Variants in CGRRF1 observed in about 807,000 individuals in gnomAD.
The protein encoded by CGRRF1 is cell growth regulator with ring finger domain 1, also known as cell growth regulator with RING finger domain protein 1.
CGRRF1 carries 32 observed loss-of-function variants against 37.2 expected under a neutral mutation model. The observed-to-expected ratio is 0.86, with a 90% CI of 0.65 to 1.16. The LOEUF is 1.16. Ranked by LOEUF, CGRRF1 falls within the 50% of genes most tolerant of loss-of-function variation. The probability of loss-of-function intolerance (pLI) is 0.00; values close to 1 mark genes in which losing one functional copy is unlikely to be tolerated. For missense variants in CGRRF1, 391 were observed against 382.6 expected (o/e 1.02, Z -0.18); for synonymous variants, 141 against 140.3 (o/e 1.00, Z -0.04).
At chr14:54,527,381 C>T (rs997942122) in intron 2 of CGRRF1, among the ~76,000 whole-genome samples, 4 of 152,130 alleles carry the variant, frequency 2.6e-5, no homozygotes, top group Non-Finnish European at 4.4e-5. Flanking sequence ...TTAATGGGTG[C>T]AGGACACCAA....
At chr14:54,519,104 A>G (rs2032269581) in intron 1 of CGRRF1, among the ~76,000 whole-genome samples, 1 of 151,998 alleles carries the variant, frequency 6.6e-6, no homozygotes, top group Non-Finnish European at 1.5e-5. Context: ...CACCATGCCC[A>G]GCTAATTTTT....
intron 1 of CGRRF1, among the ~76,000 whole-genome samples, chr14:54,519,657 G>T (rs1214598272): frequency 6.6e-6 from 1 of 152,184 alleles, no homozygotes. Flanking sequence ...GGAGAAGACA[G>T]CCTATGCTGG....
At chr14:54,510,223 C>G in intron 1 of CGRRF1, 160 bp downstream of exon 1, 1 of 612,908 alleles carries the variant, frequency 1.6e-6, no homozygotes, top group Non-Finnish European at 2.9e-6. Context: ...GGGAGGAAAA[C>G]AAGGTGGACG....
chr14:54,527,340 T>G (rs895656586), intron 2 of CGRRF1, among the ~76,000 whole-genome samples: 1 of 152,148 alleles, frequency 6.6e-6, no homozygotes, highest in African/African-American at 2.4e-5. Flanking sequence ...TGTAAAAGAT[T>G]ATAGAGATAT....
intron 2 of CGRRF1, among the ~76,000 whole-genome samples, chr14:54,524,119 A>G (rs1239097808): frequency 6.6e-6 from 1 of 152,072 alleles, no homozygotes; most frequent in Non-Finnish European, 1.5e-5. Context: ...GTCACTAATT[A>G]CGACTTCTGC....
Position 54,521,232 on chromosome 14 carries a change from G to A in CGRRF1, c.105-1222G>A, listed in dbSNP as rs552654637. On this transcript the variant is annotated intron_variant, in intron 1 of 5. Transcript: ENST00000216420. ...TCCCAGCACTTTGGGAGGCTGAGGT[G>A]GGCGGATCACCTAAGGTCAGGAGTT... Among the ~76,000 whole-genome samples, 26 of 152,046 alleles carry A rather than the reference G, an allele frequency of 1.7e-4. 1 individual carries two copies. In the South Asian group the frequency reaches 5.4e-3, roughly 32 times the overall value.
At chr14:54,537,983 A>T in intron 5 of CGRRF1, 80 bp from the exon 6 acceptor site, 1 of 1,460,124 alleles carries the variant, frequency 6.8e-7, no homozygotes, top group East Asian at 2.5e-5. Context: ...CATAAATTTT[A>T]AGCCGCTTCT....
intron 1 of CGRRF1, among the ~76,000 whole-genome samples, chr14:54,512,515 TA>T (rs1273221729): frequency 6.6e-6 from 1 of 152,228 alleles, no homozygotes; most frequent in African/African-American, 2.4e-5. Context: ...CACAGTTTAT[TA>T]AGCTGTTGAC....
At chr14:54,514,776 T>G (rs76995048) in intron 1 of CGRRF1, among the ~76,000 whole-genome samples, 1,625 of 152,334 alleles carry the variant, frequency 0.011, 63 homozygotes, top group East Asian at 0.096. Context: ...TTATCAGCAT[T>G]CCCCCACATT....
chr14:54,520,162 G>A (rs1356420237), intron 1 of CGRRF1, among the ~76,000 whole-genome samples: 1 of 151,964 alleles, frequency 6.6e-6, no homozygotes, highest in Non-Finnish European at 1.5e-5. Context: ...AGGCTGGAGT[G>A]CAATGGCGCG....
intron 1 of CGRRF1, among the ~76,000 whole-genome samples, chr14:54,513,494 A>G (rs1266466328): frequency 6.6e-6 from 1 of 152,248 alleles, no homozygotes; most frequent in Non-Finnish European, 1.5e-5. Flanking sequence ...TAGAGAATCA[A>G]AAAGTTTCCA....
chr14:54,524,554 T>TA lies in CGRRF1; in HGVS notation c.244+1972dup, dbSNP rs543275585. Among the ~76,000 whole-genome samples, 64 of 145,368 alleles carry TA rather than the reference T, an allele frequency of 4.4e-4. 1 individual carries two copies. The highest frequency in any genetic ancestry group is 8.8e-4 in the South Asian group (4 of 4,558). The stretch of plus-strand genomic sequence containing the variant: ...GTGTGCATGACCGTGCCTGGCTAAA[T>TA]AAAAAAAAAAATGTTTTTTGTGGAG... On this transcript the variant is annotated intron_variant, in intron 2 of 5. Coordinates refer to ENST00000216420, the MANE Select transcript of CGRRF1 (RefSeq NM_006568.3).
chr14:54,516,165 A>T (rs1173546266), intron 1 of CGRRF1, among the ~76,000 whole-genome samples: 1 of 152,182 alleles, frequency 6.6e-6, no homozygotes, highest in East Asian at 1.9e-4. Context: ...TCTCTAACTT[A>T]TCACCATCTA....
intron 2 of CGRRF1, among the ~76,000 whole-genome samples, chr14:54,525,163 G>A (rs116571337): frequency 0.013 from 1,969 of 152,264 alleles, 47 homozygotes; most frequent in African/African-American, 0.045. Context: ...AGCAGGACCC[G>A]CAATGAAAAA....
chr14:54,518,197 C>T (rs1345671638), intron 1 of CGRRF1, among the ~76,000 whole-genome samples: 1 of 152,116 alleles, frequency 6.6e-6, no homozygotes, highest in Admixed American at 6.5e-5. Flanking sequence ...GAGGAATTGC[C>T]ATACTGTCTT....
intron 1 of CGRRF1, among the ~76,000 whole-genome samples, chr14:54,513,067 C>G (rs372414477): frequency 1.3e-5 from 2 of 152,298 alleles, no homozygotes; most frequent in African/African-American, 4.8e-5. Flanking sequence ...AAAATCAAGT[C>G]CAATCTCTCT....
At chr14:54,516,005 T>C (rs1407888096) in intron 1 of CGRRF1, among the ~76,000 whole-genome samples, 1 of 152,194 alleles carries the variant, frequency 6.6e-6, no homozygotes, top group African/African-American at 2.4e-5. Flanking sequence ...TTCCCCTCTT[T>C]TATTTTACTA....
At position 54,538,226 on chromosome 14, in the gene CGRRF1, C is replaced by G; in HGVS notation, c.842C>G (p.Thr281Ser). The G allele has an allele frequency of 6.2e-7, 1 of 1,614,214 alleles. No homozygotes were observed. Among genetic ancestry groups the G allele is most frequent in the Non-Finnish European group, 8.5e-7 (1 of 1,180,034 alleles). Residue 281 changes from threonine (T) to serine (S), a missense_variant, in exon 6 of 6, where the codon ACT becomes AGT. Transcript: ENST00000216420. Reference sequence around the variant, plus strand: ...GACTGTGTTGTTTGCCAGAATGGGACTGTGAACTGGGTACTCTTACCATGC... The same window carrying G: ...GACTGTGTTGTTTGCCAGAATGGGAGTGTGAACTGGGTACTCTTACCATGC... ...SKDCVVCQNG[T>S]VNWVLLPCRH...
chr14:54,516,728 G>A (rs533747343), intron 1 of CGRRF1, among the ~76,000 whole-genome samples: 2 of 152,138 alleles, frequency 1.3e-5, no homozygotes, highest in South Asian at 2.1e-4. Flanking sequence ...GAAGGTTTTC[G>A]CCATTATGTG....
Sources: allele counts gnomAD v4.1 joint callset (sites outside exome capture counted in the v4.1 genomes callset), GRCh38; gene constraint gnomAD v4.1.1; transcripts MANE v1.5; gene names NCBI Gene and HGNC (gene_info 2026-07-23, HGNC 2026-07-21).